Variants in ZBTB8A observed in about 807,000 individuals in gnomAD.
ZBTB8A encodes the protein zinc finger and BTB domain-containing protein 8A.
A neutral mutation model predicts 37.8 loss-of-function variants in ZBTB8A; 19 were observed. The observed-to-expected ratio is 0.50, with a 90% CI of 0.35 to 0.74. The LOEUF (loss-of-function observed/expected upper bound fraction) is 0.74, where lower values mean the gene tolerates loss of function less well. Ranked by LOEUF, ZBTB8A falls within the 30% of genes least tolerant of loss-of-function variation. The pLI is 0.01. For missense variants in ZBTB8A, 394 were observed against 537.8 expected, an observed-to-expected ratio of 0.73 and a Z score of 2.65; for synonymous variants, 181 against 185.2, an observed-to-expected ratio of 0.98 and a Z score of 0.19.
intron 2 of ZBTB8A, among the ~76,000 whole-genome samples, chr1:32,575,251 C>CA (rs1644351179): frequency 2.1e-5 from 2 of 93,436 alleles, no homozygotes; most frequent in Non-Finnish European, 4.0e-5. Flanking sequence ...TTTTTTGAGA[C>CA]AGTTTCGCTC....
rs1439029786 is a variant in ZBTB8A at position 32,592,978 on chromosome 1, AGCAGC to A, written c.52_56del (p.Arg18AlafsTer6). On this transcript the variant is annotated frameshift_variant, in exon 3 of 5. Coordinates refer to ENST00000373510, the MANE Select transcript of ZBTB8A (RefSeq NM_001040441.3). LOFTEE classifies it high-confidence loss of function. ...TCTCACCTCCTGCAGCAACTGAACG[AGCAGC>A]GCAGGCAAGATGTATTTTGTGACTG... 1.2e-6 allele frequency: 2 copies of A among 1,614,030 alleles called. No homozygotes were observed. The highest frequency in any genetic ancestry group is 1.7e-6 in the Non-Finnish European group (2 of 1,179,938).
chr1:32,554,095 G>T (rs1463844853), intron 2 of ZBTB8A, among the ~76,000 whole-genome samples: 2 of 150,400 alleles, frequency 1.3e-5, no homozygotes, highest in Non-Finnish European at 2.9e-5. Flanking sequence ...AGGTGCTTGT[G>T]AGGCTGAGAC....
In ZBTB8A at chr1:32,595,040, G is replaced by A. The variant is rs900052878; in HGVS notation, c.824-14G>A. The A allele has an allele frequency of 4.4e-6, 7 of 1,602,912 alleles. No individual in the cohort carries two copies. The Admixed American group carries it at 5.1e-5, about 12-fold the overall frequency. ...TGAACTTTCCAGTGATTTAATCAAA[G>A]CGTCTCTTGACAGATGATCTGCCTC... On this transcript the variant is annotated splice_polypyrimidine_tract_variant and intron_variant, in intron 3 of 4. Coordinates refer to ENST00000373510, the MANE Select transcript of ZBTB8A (RefSeq NM_001040441.3).
chr1:32,540,519 T>C (rs1226733879), intron 1 of ZBTB8A, among the ~76,000 whole-genome samples: 1 of 152,190 alleles, frequency 6.6e-6, no homozygotes, highest in Non-Finnish European at 1.5e-5. Context: ...GGAACACGTA[T>C]GAAGCATGGC....
intron 3 of ZBTB8A, 150 bp downstream of exon 3, chr1:32,593,904 T>C: frequency 1.5e-6 from 1 of 683,796 alleles, no homozygotes; most frequent in Admixed American, 3.1e-5. Flanking sequence ...GAAATTTATT[T>C]AGTAAGGATA....
At chr1:32,544,776 G>A (rs1467448905) in intron 1 of ZBTB8A, among the ~76,000 whole-genome samples, 3 of 152,138 alleles carry the variant, frequency 2.0e-5, no homozygotes, top group South Asian at 2.1e-4. Flanking sequence ...GACCACCGTC[G>A]TATATGTAGT....
chr1:32,550,167 G>A (rs1253711294), intron 1 of ZBTB8A, among the ~76,000 whole-genome samples: 1 of 151,884 alleles, frequency 6.6e-6, no homozygotes, highest in Non-Finnish European at 1.5e-5. Flanking sequence ...AGACCAGCCT[G>A]GGCAATATAT....
intron 4 of ZBTB8A, 137 bp downstream of exon 4, chr1:32,595,360 C>G: frequency 1.2e-6 from 1 of 803,398 alleles, no homozygotes; most frequent in Non-Finnish European, 1.9e-6. Context: ...CTCTGCCTCC[C>G]GGGTTCAAGC....
chr1:32,567,568 G>A (rs928362520), intron 2 of ZBTB8A, among the ~76,000 whole-genome samples: 1 of 151,696 alleles, frequency 6.6e-6, no homozygotes, highest in African/African-American at 2.4e-5. Flanking sequence ...GCCGAGGCAG[G>A]CAGATCACAA....
intron 2 of ZBTB8A, among the ~76,000 whole-genome samples, chr1:32,587,698 G>A (rs1644459674): frequency 6.6e-6 from 1 of 151,986 alleles, no homozygotes; most frequent in Non-Finnish European, 1.5e-5. Flanking sequence ...TCTTTCCTGG[G>A]ATACAACTAA....
chr1:32,593,541 A>C lies in ZBTB8A; in HGVS notation c.610A>C (p.Lys204Gln), dbSNP rs760326477. The change falls in exon 3 of 5, where the codon AAA becomes CAA. Residue 204 changes from lysine (K) to glutamine (Q), a missense_variant. Lys to Gln is a moderately conservative substitution (Grantham distance 53). Transcript: ENST00000373510. The part of the protein sequence containing the change: ...QQPLAKHEPR[K>Q]ESIKKTKHLR... ...ACCCTTGGCCAAGCATGAACCAAGG[A>C]AAGAGTCCATTAAAAAGACCAAACA... The C allele has an allele frequency of 1.9e-6, 3 of 1,614,118 alleles. No individual in the cohort carries two copies. The highest frequency in any genetic ancestry group is 1.3e-5 in the African/African-American group (1 of 74,954).
At chr1:32,557,029 C>G (rs1337155519) in intron 2 of ZBTB8A, among the ~76,000 whole-genome samples, 1 of 152,080 alleles carries the variant, frequency 6.6e-6, no homozygotes, top group Non-Finnish European at 1.5e-5. Flanking sequence ...AGACCAGTTG[C>G]GGTGGCTCAC....
chr1:32,582,138 T>G (rs187799927), intron 2 of ZBTB8A, among the ~76,000 whole-genome samples: 1 of 152,264 alleles, frequency 6.6e-6, no homozygotes, highest in African/African-American at 2.4e-5. Context: ...TAGTACAGGT[T>G]GAGTATCCCT....
intron 2 of ZBTB8A, among the ~76,000 whole-genome samples, chr1:32,559,486 CAG>C (rs1644227496): frequency 2.0e-5 from 3 of 149,452 alleles, no homozygotes; most frequent in Admixed American, 6.7e-5. Flanking sequence ...TTTTTTGAGA[CAG>C]AGTCTTACTG....
Position 32,578,695 on chromosome 1 carries a change from A to C in ZBTB8A, c.-1-14236A>C, listed in dbSNP as rs997757249. ...TCCTTCTGATTTAAAAAAATATTTTATTTATTTATTATTTATTTATTTATG... is the reference window on the plus strand; with the variant it reads ...TCCTTCTGATTTAAAAAAATATTTTCTTTATTTATTATTTATTTATTTATG... On this transcript the variant is annotated intron_variant, in intron 2 of 4. Transcript: ENST00000373510. Among the ~76,000 whole-genome samples the C allele has an allele frequency of 2.6e-5, 4 of 151,582 alleles. No individual in the cohort carries two copies. In the South Asian group the frequency reaches 8.3e-4, roughly 32 times the overall value.
chr1:32,541,798 T>C (rs1644057567), intron 1 of ZBTB8A, among the ~76,000 whole-genome samples: 1 of 152,190 alleles, frequency 6.6e-6, no homozygotes, highest in African/African-American at 2.4e-5. Flanking sequence ...ATTCCATCCA[T>C]GAGGGCAGAG....
At chr1:32,569,093 A>G (rs1338480191) in intron 2 of ZBTB8A, among the ~76,000 whole-genome samples, 1 of 152,182 alleles carries the variant, frequency 6.6e-6, no homozygotes, top group Non-Finnish European at 1.5e-5. Flanking sequence ...ACATGAGAGA[A>G]CCAACTTCTC....
rs1286537892 is a variant in ZBTB8A at position 32,601,589 on chromosome 1, G to A, written c.*1170G>A. On this transcript the variant is annotated 3_prime_UTR_variant, in exon 5 of 5. Transcript: ENST00000373510. ...CTCTCATGTATTTTCTCAGTGAGGT[G>A]GATACTATCTCCGATTTACAAATGA... 1 of 398,512 alleles carries A rather than the reference G, an allele frequency of 2.5e-6. No homozygotes were observed. Among genetic ancestry groups the A allele is most frequent in the East Asian group, 3.6e-5 (1 of 28,048 alleles). The allele number at this position is 398,512 out of a possible 1,614,324, so 24.7% of individuals were successfully genotyped here.
chr1:32,590,379 T>G (rs1644479317), intron 2 of ZBTB8A, among the ~76,000 whole-genome samples: 1 of 152,080 alleles, frequency 6.6e-6, no homozygotes, highest in South Asian at 2.1e-4. Context: ...AAGACAAACT[T>G]TTTTACCTTC....
Sources: gnomAD v4.1 joint callset for allele counts (sites outside exome capture counted in the v4.1 genomes callset) on GRCh38, gnomAD v4.1.1 for gene constraint, MANE v1.5 for transcripts, NCBI Gene and HGNC (gene_info 2026-07-23, HGNC 2026-07-21) for gene names.